The following ENOX2 variants were observed in gnomAD, a reference collection of about 807,000 sequenced individuals.
ENOX2 encodes the protein APK1 antigen.
Under a neutral mutation model 45.0 loss-of-function variants are expected in ENOX2, and 36 were observed. The ratio of observed to expected loss-of-function variants is 0.80; its 90% CI spans 0.61 to 1.06. The LOEUF (loss-of-function observed/expected upper bound fraction) is 1.06, where lower values mean the gene tolerates loss of function less well. Ranked by LOEUF, ENOX2 falls within the 50% of genes least tolerant of loss-of-function variation. ENOX2 has a pLI of 0.00. For synonymous variants in ENOX2, 174 were observed against 152.3 expected (o/e 1.14, Z -1.05); for missense variants, 423 against 462.5 (o/e 0.91, Z 0.78).
rs1342149793 is a variant in ENOX2, at chrX:130,830,701, T to G, written c.-182-47011A>C. Among the ~76,000 whole-genome samples, 3 of 111,984 alleles carry G rather than the reference T, an allele frequency of 2.7e-5. No individual in the cohort carries two copies. In the Admixed American group the frequency reaches 2.8e-4, roughly 11 times the overall value. On this transcript the variant is annotated intron_variant, in intron 2 of 14. Coordinates refer to ENST00000394363, the MANE Select transcript of ENOX2 (RefSeq NM_006375.4). ...TCCAACCATCGGTTAAATCTTATCTTTTGATTATAATTCTAAAATACATCT... is the reference window on the plus strand; with the variant it reads ...TCCAACCATCGGTTAAATCTTATCTGTTGATTATAATTCTAAAATACATCT...
At chrX:130,766,268 G>C (rs1422642182) in intron 3 of ENOX2, among the ~76,000 whole-genome samples, 3 of 111,435 alleles carry the variant, frequency 2.7e-5, no homozygotes, top group African/African-American at 9.8e-5. Flanking sequence ...TGAAATGTCT[G>C]TTCATGTCCT....
chrX:130,708,007 A>G (rs763791285), intron 3 of ENOX2, among the ~76,000 whole-genome samples: 6 of 112,263 alleles, frequency 5.3e-5, no homozygotes, highest in Non-Finnish European at 1.1e-4. Flanking sequence ...TATTAGGGTG[A>G]GTCAAAGAGA....
intron 2 of ENOX2, among the ~76,000 whole-genome samples, chrX:130,834,014 T>A (rs1485852790): frequency 3.6e-5 from 4 of 111,523 alleles, no homozygotes; most frequent in Non-Finnish European, 7.5e-5. Flanking sequence ...CCTCATCTCA[T>A]GGAGCTTACA....
At chrX:130,713,338 T>G (rs1296788172) in intron 3 of ENOX2, among the ~76,000 whole-genome samples, 2 of 112,037 alleles carry the variant, frequency 1.8e-5, no homozygotes, top group Non-Finnish European at 3.8e-5. Context: ...TGGGCTGGCA[T>G]GGGCTGAGGT....
At chrX:130,775,178 C>A (rs978152919) in intron 3 of ENOX2, among the ~76,000 whole-genome samples, 2 of 111,110 alleles carry the variant, frequency 1.8e-5, no homozygotes, top group Non-Finnish European at 3.8e-5. Flanking sequence ...GCTAGGAGTT[C>A]CAGACCAGGC....
intron 6 of ENOX2, 93 bp from the exon 7 acceptor site, chrX:130,670,291 A>AGAG: frequency 1.6e-6 from 1 of 606,249 alleles, no homozygotes; most frequent in Non-Finnish European, 2.7e-6. Context: ...AGAGAGAGAC[A>AGAG]TGAAAGACTA....
intron 9 of ENOX2, among the ~76,000 whole-genome samples, chrX:130,660,703 C>T (rs1289051029): frequency 8.9e-6 from 1 of 112,533 alleles, no homozygotes; most frequent in African/African-American, 3.2e-5. Context: ...TTGTAAATCT[C>T]TACCTGAAAT....
chrX:130,876,193 T>C (rs2078698634), intron 2 of ENOX2, among the ~76,000 whole-genome samples: 1 of 111,915 alleles, frequency 8.9e-6, no homozygotes, highest in African/African-American at 3.2e-5. Context: ...TAGCCAAAAA[T>C]GGAAATAACC....
chrX:130,666,858 T>C (rs2036847026), intron 8 of ENOX2, among the ~76,000 whole-genome samples: 1 of 111,895 alleles, frequency 8.9e-6, no homozygotes. Context: ...GAATATACTT[T>C]CTTACTGAAA....
chrX:130,853,306 T>A (rs1476782811), intron 2 of ENOX2, among the ~76,000 whole-genome samples: 3 of 106,880 alleles, frequency 2.8e-5, no homozygotes, highest in Non-Finnish European at 5.8e-5. Flanking sequence ...CTACTAAAAA[T>A]ACAAAAAGTT....
chrX:130,693,707 T>C (rs2037677934), intron 4 of ENOX2, among the ~76,000 whole-genome samples: 2 of 112,579 alleles, frequency 1.8e-5, no homozygotes, highest in Admixed American at 1.9e-4. Context: ...TATAAATTCT[T>C]TGATTCTCCT....
chrX:130,761,906 T>C (rs1184508512), intron 3 of ENOX2, among the ~76,000 whole-genome samples: 2 of 111,829 alleles, frequency 1.8e-5, no homozygotes, highest in Non-Finnish European at 3.8e-5. Context: ...TCATTATTGA[T>C]AGTTTGTACT....
chrX:130,789,576 A>C (rs1024585176), intron 2 of ENOX2, among the ~76,000 whole-genome samples: 52 of 112,496 alleles, frequency 4.6e-4, no homozygotes, highest in African/African-American at 1.3e-3. Flanking sequence ...TTAAGGCAAC[A>C]ATCTCAACAC....
At chrX:130,856,273 G>A (rs1378770466) in intron 2 of ENOX2, among the ~76,000 whole-genome samples, 1 of 112,448 alleles carries the variant, frequency 8.9e-6, no homozygotes, top group Non-Finnish European at 1.9e-5. Flanking sequence ...GCCTTTGCTC[G>A]TGGAATTCAC....
intron 3 of ENOX2, among the ~76,000 whole-genome samples, chrX:130,732,540 T>C (rs1164691678): frequency 8.9e-6 from 1 of 111,828 alleles, no homozygotes. Context: ...AGATCACAAA[T>C]AGCCAAATCA....
chrX:130,647,847 C>G lies in ENOX2; in HGVS notation c.1129+8734G>C, dbSNP rs761110807. 1.0e-3 allele frequency among the ~76,000 whole-genome samples: 111 copies of G among 110,707 alleles called. 1 individual carries two copies. Among genetic ancestry groups the G allele is most frequent in the Non-Finnish European group, 3.0e-4 (16 of 52,915 alleles). On this transcript the variant is annotated intron_variant, in intron 10 of 14. Coordinates refer to ENST00000394363, the MANE Select transcript of ENOX2 (RefSeq NM_006375.4). ...ATATTTCCTTAACTTCCTACTACTA[C>G]CTCTTATACTCATCTCCCAAAATAA...
intron 3 of ENOX2, among the ~76,000 whole-genome samples, chrX:130,769,512 T>C (rs1390335245): frequency 8.9e-6 from 1 of 112,013 alleles, no homozygotes; most frequent in Non-Finnish European, 1.9e-5. Context: ...TTTTATTACT[T>C]TCATGTAAAC....
chrX:130,679,514 G>A, intron 6 of ENOX2, 28 bp downstream of exon 6: 1 of 1,124,925 alleles, frequency 8.9e-7, no homozygotes, highest in Non-Finnish European at 1.2e-6. Context: ...GTGCCTGGTG[G>A]GCACAATCCT....
chrX:130,844,806 C>T (rs765157405), intron 2 of ENOX2, among the ~76,000 whole-genome samples: 1 of 111,967 alleles, frequency 8.9e-6, no homozygotes, highest in East Asian at 2.8e-4. Context: ...TACTGCAAAG[C>T]TATGGAAACA....
Sources: allele counts gnomAD v4.1 joint callset (sites outside exome capture counted in the v4.1 genomes callset), GRCh38; gene constraint gnomAD v4.1.1; transcripts MANE v1.5; gene names NCBI Gene and HGNC (gene_info 2026-07-23, HGNC 2026-07-21).